The following ANTXR2 variants were observed in gnomAD, a reference collection of about 807,000 sequenced individuals.
The protein encoded by ANTXR2 is ANTXR cell adhesion molecule 2.
ANTXR2 carries 44 observed loss-of-function variants against 73.7 expected under a neutral mutation model. The ratio of observed to expected loss-of-function variants is 0.60; its 90% CI spans 0.47 to 0.77. ANTXR2 has a LOEUF of 0.77. Ranked by LOEUF, ANTXR2 falls within the 30% of genes least tolerant of loss-of-function variation. The pLI, the probability that ANTXR2 is intolerant of heterozygous loss-of-function variation, is 0.00. For synonymous variants in ANTXR2, 217 were observed against 205.9 expected, an observed-to-expected ratio of 1.05 and a Z score of -0.46; for missense variants, 604 against 592.5, an observed-to-expected ratio of 1.02 and a Z score of -0.20.
intron 11 of ANTXR2, among the ~76,000 whole-genome samples, chr4:80,009,307 C>T (rs1444937581): frequency 6.6e-6 from 1 of 152,158 alleles, no homozygotes; most frequent in Non-Finnish European, 1.5e-5. Flanking sequence ...ACTCATTTTA[C>T]AGGGCTCATA....
intron 16 of ANTXR2, among the ~76,000 whole-genome samples, chr4:79,954,297 G>C (rs1014015726): frequency 2.6e-5 from 4 of 152,054 alleles, no homozygotes; most frequent in Admixed American, 2.6e-4. Flanking sequence ...GGGATTACAG[G>C]TATGAGCCAC....
At chr4:79,998,943 T>G (rs1560964843) in intron 12 of ANTXR2, among the ~76,000 whole-genome samples, 1 of 152,038 alleles carries the variant, frequency 6.6e-6, no homozygotes, top group Non-Finnish European at 1.5e-5. Context: ...TTGGTTTAGA[T>G]TTATACTTTT....
chr4:80,036,985 TC>T (rs1210577069), intron 7 of ANTXR2, among the ~76,000 whole-genome samples: 1 of 152,078 alleles, frequency 6.6e-6, no homozygotes, highest in Non-Finnish European at 1.5e-5. Context: ...ACTCAAGCAT[TC>T]CCAGAACACA....
chr4:79,915,089 C>A (rs1367957379), intron 16 of ANTXR2, among the ~76,000 whole-genome samples: 2 of 152,068 alleles, frequency 1.3e-5, no homozygotes, highest in Admixed American at 1.3e-4. Flanking sequence ...TTGACATTTT[C>A]CCAGAAATTG....
At chr4:80,019,630 TA>T (rs1457737425) in intron 10 of ANTXR2, among the ~76,000 whole-genome samples, 1 of 152,132 alleles carries the variant, frequency 6.6e-6, no homozygotes, top group African/African-American at 2.4e-5. Flanking sequence ...TAGGTATTAC[TA>T]CTAAGAATAT....
intron 16 of ANTXR2, among the ~76,000 whole-genome samples, chr4:79,936,788 G>A (rs1277827076): frequency 6.6e-6 from 1 of 151,972 alleles, no homozygotes. Flanking sequence ...TGCACTATGG[G>A]TTATAATCAC....
chr4:80,033,560 C>A lies in ANTXR2; in HGVS notation c.708G>T (p.Gln236His). ...TGAATCCTCTTCCACTTAAGACAAT[C>A]TGAAATTCCTCTAGAAGTAAAAGGA... ...PSSVCVGEEF[Q>H]IVLSGRGFML... Residue 236 changes from glutamine to histidine, a missense_variant, in exon 9 of 17, where the codon CAG (glutamine) becomes CAT (histidine). Gln to His is a conservative substitution (Grantham distance 24). Transcript: ENST00000403729. 6.3e-7 allele frequency: 1 copy of A among 1,584,456 alleles called. No individual in the cohort carries two copies. The highest frequency in any genetic ancestry group is 1.2e-5 in the South Asian group (1 of 83,828).
chr4:79,913,705 A>G (rs1429870161), intron 16 of ANTXR2, among the ~76,000 whole-genome samples: 2 of 152,148 alleles, frequency 1.3e-5, no homozygotes, highest in Non-Finnish European at 2.9e-5. Context: ...GTGGAATGCT[A>G]GCCATTTATT....
At chr4:79,950,971 G>T (rs902176229) in intron 16 of ANTXR2, among the ~76,000 whole-genome samples, 6 of 152,174 alleles carry the variant, frequency 3.9e-5, no homozygotes, top group South Asian at 2.1e-4. Context: ...CTGATGGAGT[G>T]CTACTGTCTC....
At chr4:79,925,531 C>G (rs1428748607) in intron 16 of ANTXR2, among the ~76,000 whole-genome samples, 3 of 151,944 alleles carry the variant, frequency 2.0e-5, no homozygotes, top group Non-Finnish European at 4.4e-5. Context: ...TCAAAATTAA[C>G]AAAAACATAA....
chr4:80,026,709 A>G (rs951434165), intron 10 of ANTXR2, among the ~76,000 whole-genome samples: 2 of 152,110 alleles, frequency 1.3e-5, no homozygotes, highest in African/African-American at 4.8e-5. Context: ...TTTCTCCTAT[A>G]GCAATAAAGA....
rs931473508 is a variant in ANTXR2 at position 79,902,534 on chromosome 4, A to G, written c.*4895T>C. The G allele has an allele frequency of 4.6e-5, 7 of 152,272 alleles. No individual in the cohort carries two copies. The highest frequency in any genetic ancestry group is 1.7e-4 in the African/African-American group (7 of 41,562). The allele number at this position is 152,272 out of a possible 1,614,324, so 9.4% of individuals were successfully genotyped here. A position where few individuals can be genotyped will look rare whatever the true frequency, so the allele number is the denominator to read the frequency against. On this transcript the variant is annotated 3_prime_UTR_variant, in exon 17 of 17. Transcript: ENST00000403729. Reference sequence around the variant, plus strand: ...TAACAATCTCTGTGCTTCTTTATATATGTTTTTAAGACACTTGCTAACCCT... The same window carrying G: ...TAACAATCTCTGTGCTTCTTTATATGTGTTTTTAAGACACTTGCTAACCCT...
intron 12 of ANTXR2, among the ~76,000 whole-genome samples, chr4:79,996,533 T>C (rs1460659985): frequency 1.3e-5 from 2 of 151,934 alleles, no homozygotes; most frequent in Non-Finnish European, 2.9e-5. Flanking sequence ...GGTTTTCTTG[T>C]GATGTTCCAA....
chr4:80,072,671 G>A lies in ANTXR2; in HGVS notation c.-111C>T. On this transcript the variant is annotated 5_prime_UTR_variant, in exon 1 of 17. Transcript: ENST00000403729. ...CGCACTCTGGGGTGGGGGGCGGCGA[G>A]CAGCTGAGACGCCGGCGCCTGCGGC... The A allele has an allele frequency of 7.5e-7, 1 of 1,339,042 alleles. No homozygotes were observed. Among genetic ancestry groups the A allele is most frequent in the South Asian group, 1.9e-5 (1 of 52,226 alleles). 82.9% of individuals were successfully genotyped at this position (1,339,042 alleles called of 1,614,324 possible).
chr4:80,056,406 T>C (rs1246163271), intron 3 of ANTXR2, among the ~76,000 whole-genome samples: 1 of 151,902 alleles, frequency 6.6e-6, no homozygotes, highest in Non-Finnish European at 1.5e-5. Flanking sequence ...ACTCACTCCA[T>C]CTCTCTAAAA....
chr4:79,933,946 G>A (rs1346807109), intron 16 of ANTXR2, among the ~76,000 whole-genome samples: 2 of 151,912 alleles, frequency 1.3e-5, no homozygotes, highest in Non-Finnish European at 2.9e-5. Flanking sequence ...CGCCGTGTTA[G>A]GGAAGATGGT....
intron 2 of ANTXR2, among the ~76,000 whole-genome samples, chr4:80,070,354 A>T (rs1240327935): frequency 6.6e-6 from 1 of 152,256 alleles, no homozygotes; most frequent in Non-Finnish European, 1.5e-5. Flanking sequence ...CTTAAAAACC[A>T]GATCAATGAG....
In ANTXR2 at chr4:80,035,974, C is replaced by T; in HGVS notation, c.695G>A (p.Gly232Glu). 1 of 1,543,362 alleles carries T rather than the reference C, an allele frequency of 6.5e-7. No homozygotes were observed. The highest frequency in any genetic ancestry group is 8.7e-7 in the Non-Finnish European group (1 of 1,144,894). Residue 232 changes from glycine (G) to glutamate (E), a missense_variant and splice_region_variant, in exon 8 of 17, where the codon GGG (glycine) becomes GAG (glutamate). By Grantham distance (98) the Gly-to-Glu change is moderately conservative. Transcript: ENST00000403729. ...LELQPSSVCV[G>E]EEFQIVLSGR... Reference sequence around the variant, plus strand: ...ATTTTTAAATTCTAAACACTTACCCCCCACACAGACACTTGAGGGCTGCAA... The same window carrying T: ...ATTTTTAAATTCTAAACACTTACCCTCCACACAGACACTTGAGGGCTGCAA...
intron 10 of ANTXR2, among the ~76,000 whole-genome samples, chr4:80,023,142 A>AT (rs956659847): frequency 1.3e-5 from 2 of 152,190 alleles, no homozygotes; most frequent in Non-Finnish European, 1.5e-5. Flanking sequence ...AATTTAATTA[A>AT]TTTCTATTCT....
Sources: allele counts gnomAD v4.1 joint callset (sites outside exome capture counted in the v4.1 genomes callset), GRCh38; gene constraint gnomAD v4.1.1; transcripts MANE v1.5; gene names NCBI Gene and HGNC (gene_info 2026-07-23, HGNC 2026-07-21).